NAA25: variants seen among roughly 807,000 people sequenced by gnomAD.
NAA25 encodes N-alpha-acetyltransferase 25, NatB auxiliary subunit.
NAA25 carries 30 observed loss-of-function variants against 132.5 expected under a neutral mutation model. The ratio of observed to expected loss-of-function variants is 0.23; its 90% CI spans 0.17 to 0.31. NAA25 has a LOEUF of 0.31. Among genes scored for constraint, NAA25 ranks in the 10% least tolerant of loss-of-function variants. NAA25 has a pLI of 1.00. For synonymous variants in NAA25, 359 were observed against 401.9 expected (o/e 0.89, Z 1.28); for missense variants, 771 against 1,150.4 (o/e 0.67, Z 4.77).
At chr12:112,053,467 A>C in intron 15 of NAA25, 91 bp downstream of exon 15, 1 of 940,594 alleles carries the variant, frequency 1.1e-6, no homozygotes, top group Non-Finnish European at 1.7e-6. Flanking sequence ...GGTGCACCTT[A>C]ACATGTGTAC....
At chr12:112,071,839 T>C in intron 10 of NAA25, 56 bp downstream of exon 10, 3 of 1,114,144 alleles carry the variant, frequency 2.7e-6, no homozygotes, top group Non-Finnish European at 2.3e-6. Context: ...CTAATGAATA[T>C]AGCACTTGGG....
At chr12:112,056,275 A>G (rs2078544644) in intron 13 of NAA25, among the ~76,000 whole-genome samples, 1 of 152,192 alleles carries the variant, frequency 6.6e-6, no homozygotes, top group Non-Finnish European at 1.5e-5. Flanking sequence ...CAGAGGTTGC[A>G]GTAAGCCGAG....
chr12:112,076,184 A>T (rs574587409), intron 7 of NAA25, among the ~76,000 whole-genome samples: 11 of 152,204 alleles, frequency 7.2e-5, no homozygotes, highest in Middle Eastern at 3.4e-3. Context: ...GGCCCGGCCT[A>T]AATGTCACAT....
chr12:112,058,978 G>C (rs1018189459), intron 13 of NAA25, among the ~76,000 whole-genome samples: 1 of 151,010 alleles, frequency 6.6e-6, no homozygotes, highest in African/African-American at 2.4e-5. Flanking sequence ...GGAGGCTGAG[G>C]CAGGAGAATG....
intron 23 of NAA25, among the ~76,000 whole-genome samples, chr12:112,032,219 G>A (rs1052981793): frequency 5.3e-5 from 8 of 151,872 alleles, no homozygotes; most frequent in Non-Finnish European, 8.8e-5. Flanking sequence ...GCCTCCCTCC[G>A]CCTCCCAAAG....
At chr12:112,105,592 T>G (rs1447266096) in intron 1 of NAA25, among the ~76,000 whole-genome samples, 1 of 152,158 alleles carries the variant, frequency 6.6e-6, no homozygotes, top group East Asian at 1.9e-4. Context: ...CCACAATTTA[T>G]CACCACATAG....
chr12:112,033,099 C>CCTTCTAGTCA, intron 23 of NAA25, 134 bp downstream of exon 23: 1 of 1,076,888 alleles, frequency 9.3e-7, no homozygotes, highest in Non-Finnish European at 1.3e-6. Flanking sequence ...CTGCCAAGCA[C>CCTTCTAGTCA]CTTCTAGTCA....
intron 13 of NAA25, among the ~76,000 whole-genome samples, chr12:112,057,534 C>T (rs773170494): frequency 6.6e-6 from 1 of 152,160 alleles, no homozygotes; most frequent in Non-Finnish European, 1.5e-5. Flanking sequence ...AAGGATTTCA[C>T]TCTCATCCCT....
At chr12:112,041,999 A>G in intron 20 of NAA25, 40 bp downstream of exon 20, 1 of 1,213,774 alleles carries the variant, frequency 8.2e-7, no homozygotes, top group Non-Finnish European at 1.1e-6. Context: ...TTGCCATACA[A>G]CCAGATACAA....
chr12:112,044,875 TAAA>T (rs879272275), intron 17 of NAA25, among the ~76,000 whole-genome samples: 7 of 106,952 alleles, frequency 6.5e-5, no homozygotes, highest in African/African-American at 1.0e-4. Context: ...ACCCAGTCTC[TAAA>T]AAAAAAAAAA....
chr12:112,096,292 C>G (rs1414114214), intron 1 of NAA25, among the ~76,000 whole-genome samples: 1 of 152,194 alleles, frequency 6.6e-6, no homozygotes, highest in East Asian at 1.9e-4. Flanking sequence ...AGTTCACAAT[C>G]CTCTACCACT....
intron 7 of NAA25, 62 bp from the exon 8 acceptor site, chr12:112,075,851 G>A: frequency 2.3e-6 from 3 of 1,280,284 alleles, no homozygotes; most frequent in South Asian, 1.2e-5. Flanking sequence ...AACCAGAATA[G>A]AGTCCAACCA....
At chr12:112,029,855 A>C (rs2078126287) in intron 23 of NAA25, among the ~76,000 whole-genome samples, 1 of 152,206 alleles carries the variant, frequency 6.6e-6, no homozygotes, top group African/African-American at 2.4e-5. Context: ...GTGATTCTTC[A>C]TGGAAACCCT....
chr12:112,054,572 G>C lies in NAA25; in HGVS notation c.1448-4C>G. 1 of 1,611,904 alleles carries C rather than the reference G, an allele frequency of 6.2e-7. No individual in the cohort carries two copies. Among genetic ancestry groups the C allele is most frequent in the Non-Finnish European group, 8.5e-7 (1 of 1,179,264 alleles). On this transcript the variant is annotated splice_region_variant and splice_polypyrimidine_tract_variant and intron_variant, in intron 13 of 23. Coordinates refer to ENST00000261745, the MANE Select transcript of NAA25 (RefSeq NM_024953.4). The stretch of plus-strand genomic sequence containing the variant: ...TGCCACACAGTGGTCTCATCACCTA[G>C]AACCAAAATACAGCATTATCCACTG...
chr12:112,040,586 C>T lies in NAA25; in HGVS notation c.2441-8G>A. 6.7e-7 allele frequency: 1 copy of T among 1,502,572 alleles called. No homozygotes were observed. Among genetic ancestry groups the T allele is most frequent in the Non-Finnish European group, 9.1e-7 (1 of 1,095,388 alleles). The allele number at this position is 1,502,572 out of a possible 1,614,324, so 93.1% of individuals were successfully genotyped here. ...TACATTTACTGAAGACATCTGAAAA[C>T]AAAAAACATTTTAGTTTTATTCAGC... On this transcript the variant is annotated splice_polypyrimidine_tract_variant and splice_region_variant and intron_variant, in intron 20 of 23. Coordinates refer to ENST00000261745, the MANE Select transcript of NAA25 (RefSeq NM_024953.4).
chr12:112,102,719 C>A (rs1283352775), intron 1 of NAA25, among the ~76,000 whole-genome samples: 1 of 148,138 alleles, frequency 6.8e-6, no homozygotes, highest in African/African-American at 2.5e-5. Flanking sequence ...TGGAGTCTCG[C>A]ACTGGAGCCC....
intron 1 of NAA25, among the ~76,000 whole-genome samples, chr12:112,108,411 G>A (rs941213618): frequency 6.6e-6 from 1 of 152,238 alleles, no homozygotes; most frequent in Non-Finnish European, 1.5e-5. Flanking sequence ...AGGAGCGGCG[G>A]TAACGATGCA....
chr12:112,070,804 C>G (rs1190308323), intron 10 of NAA25, among the ~76,000 whole-genome samples: 2 of 152,090 alleles, frequency 1.3e-5, no homozygotes. Flanking sequence ...TAGAGTGCAG[C>G]GGCAAGATCT....
intron 4 of NAA25, among the ~76,000 whole-genome samples, chr12:112,081,756 A>C (rs998186696): frequency 6.6e-6 from 1 of 152,162 alleles, no homozygotes; most frequent in East Asian, 1.9e-4. Context: ...GATGCTAAAA[A>C]CTCCATCAGG....
Sources: gnomAD v4.1 joint callset for allele counts (sites outside exome capture counted in the v4.1 genomes callset) on GRCh38, gnomAD v4.1.1 for gene constraint, MANE v1.5 for transcripts, NCBI Gene and HGNC (gene_info 2026-07-23, HGNC 2026-07-21) for gene names.